Variants in PTPRN2 observed in about 807,000 individuals in gnomAD.
PTPRN2 encodes the protein protein tyrosine phosphatase receptor type N2.
In PTPRN2, 74 loss-of-function variants were observed where a neutral mutation model predicts 118.8. The ratio of observed to expected loss-of-function variants is 0.62; its 90% CI spans 0.52 to 0.76. The LOEUF (loss-of-function observed/expected upper bound fraction) is 0.76. Ranked by LOEUF, PTPRN2 falls within the 30% of genes least tolerant of loss-of-function variation. The pLI, the probability that PTPRN2 is intolerant of heterozygous loss-of-function variation, is 0.00. For missense variants in PTPRN2, 1,481 were observed against 1,394.4 expected (o/e 1.06, Z -0.99); for synonymous variants, 641 against 608.0 (o/e 1.05, Z -0.80).
In PTPRN2 at chr7:158,384,537, T is replaced by C. The variant is rs117049317; in HGVS notation, c.164-67605A>G. On this transcript the variant is annotated intron_variant, in intron 2 of 22. Coordinates refer to ENST00000389418, the MANE Select transcript of PTPRN2 (RefSeq NM_002847.5). The stretch of plus-strand genomic sequence containing the variant: ...AATGAAAGTACACAAAGCCAGACAC[T>C]TAGGAAGAAGGCGCTTCAACAGGCA... Among the ~76,000 whole-genome samples the C allele has an allele frequency of 3.4e-3, 514 of 152,128 alleles. 11 individuals are homozygous for C. The highest frequency in any genetic ancestry group is 0.03 in the East Asian group (156 of 5,168).
chr7:158,142,462 G>C (rs1372319370), intron 6 of PTPRN2, among the ~76,000 whole-genome samples: 1 of 152,222 alleles, frequency 6.6e-6, no homozygotes, highest in Admixed American at 6.5e-5. Flanking sequence ...TTCAACAGCA[G>C]CTGTACCCAG....
intron 12 of PTPRN2, among the ~76,000 whole-genome samples, chr7:157,789,866 GT>G (rs2151072493): frequency 6.6e-6 from 1 of 150,706 alleles, no homozygotes; most frequent in East Asian, 2.0e-4. Context: ...TGTATGTGGT[GT>G]GTGTAGTATG....
chr7:158,542,701 A>G (rs1826059452), intron 1 of PTPRN2, among the ~76,000 whole-genome samples: 1 of 152,146 alleles, frequency 6.6e-6, no homozygotes, highest in Admixed American at 6.5e-5. Flanking sequence ...CTAATATTAA[A>G]TTGTTTCTGA....
At chr7:157,774,528 C>G (rs545941160) in intron 12 of PTPRN2, among the ~76,000 whole-genome samples, 2 of 152,372 alleles carry the variant, frequency 1.3e-5, no homozygotes, top group East Asian at 3.9e-4. Context: ...GTAAGCCCCC[C>G]ATCTCTGCAC....
chr7:157,713,539 C>T (rs1798756321), intron 12 of PTPRN2, among the ~76,000 whole-genome samples: 1 of 152,184 alleles, frequency 6.6e-6, no homozygotes, highest in Non-Finnish European at 1.5e-5. Context: ...GTTCCTCCAT[C>T]TCTCAGCAAG....
intron 2 of PTPRN2, among the ~76,000 whole-genome samples, chr7:158,383,131 C>T (rs77292277): frequency 4.0e-4 from 61 of 152,000 alleles, no homozygotes; most frequent in African/African-American, 1.4e-3. Context: ...CATGAGGGGC[C>T]CTGAAGACCC....
At chr7:157,726,940 T>C (rs916656667) in intron 12 of PTPRN2, among the ~76,000 whole-genome samples, 1 of 152,220 alleles carries the variant, frequency 6.6e-6, no homozygotes, top group Admixed American at 6.5e-5. Flanking sequence ...GGAAGCATGA[T>C]TCCTCAGTGC....
chr7:158,469,816 T>G (rs1179146399), intron 2 of PTPRN2, among the ~76,000 whole-genome samples: 1 of 151,284 alleles, frequency 6.6e-6, no homozygotes. Flanking sequence ...GGAGCTGGGA[T>G]CTGTCCTATT....
chr7:157,746,811 G>A (rs1384491072), intron 12 of PTPRN2, among the ~76,000 whole-genome samples: 1 of 152,278 alleles, frequency 6.6e-6, no homozygotes, highest in African/African-American at 2.4e-5. Context: ...GTGAGGCAGT[G>A]TGGGAATCCG....
At chr7:158,397,574 G>A (rs566917052) in intron 2 of PTPRN2, among the ~76,000 whole-genome samples, 2 of 152,140 alleles carry the variant, frequency 1.3e-5, no homozygotes, top group African/African-American at 2.4e-5. Context: ...GACAGCACAG[G>A]GCTCCACCCA....
Position 157,764,273 on chromosome 7 carries a change from G to A in PTPRN2, c.1789-81336C>T, listed in dbSNP as rs748401828. Among the ~76,000 whole-genome samples the A allele has an allele frequency of 5.9e-5, 9 of 152,150 alleles. No homozygotes were observed. The highest frequency in any genetic ancestry group is 1.0e-4 in the Non-Finnish European group (7 of 68,032). On this transcript the variant is annotated intron_variant, in intron 12 of 22. Transcript: ENST00000389418. The surrounding 1 kb of genome is among the most constrained non-coding windows in gnomAD (Gnocchi z 4.5). ...AATGCAGTGACTCAGAGAGAGATTCGCACGCCCATGTTCATAGCAGCAGCG... is the reference window on the plus strand; with the variant it reads ...AATGCAGTGACTCAGAGAGAGATTCACACGCCCATGTTCATAGCAGCAGCG...
intron 10 of PTPRN2, among the ~76,000 whole-genome samples, chr7:158,097,379 A>C (rs542723586): frequency 1.3e-5 from 2 of 152,322 alleles, no homozygotes; most frequent in South Asian, 4.1e-4. Context: ...CCTCTTCGGT[A>C]ATAACACCGT....
intron 12 of PTPRN2, among the ~76,000 whole-genome samples, chr7:157,871,904 A>G (rs932701159): frequency 1.3e-4 from 19 of 149,458 alleles, no homozygotes; most frequent in African/African-American, 4.7e-4. Flanking sequence ...CCACACACAA[A>G]TACCCAGCGT....
chr7:158,337,260 G>A (rs1393738489), intron 2 of PTPRN2, among the ~76,000 whole-genome samples: 22 of 149,810 alleles, frequency 1.5e-4, no homozygotes, highest in African/African-American at 5.5e-4. Flanking sequence ...GCTGACACCT[G>A]CAGACGTCAC....
chr7:158,196,774 C>T (rs1826245997), intron 4 of PTPRN2, among the ~76,000 whole-genome samples: 1 of 152,176 alleles, frequency 6.6e-6, no homozygotes, highest in African/African-American at 2.4e-5. Context: ...AGAAGTGCTC[C>T]AGGCCAGAAG....
intron 11 of PTPRN2, among the ~76,000 whole-genome samples, chr7:158,041,300 C>T (rs1808447714): frequency 6.6e-6 from 1 of 152,178 alleles, no homozygotes; most frequent in African/African-American, 2.4e-5. Flanking sequence ...TCAATAATAG[C>T]TTATTGCTTT....
chr7:157,860,089 C>G (rs1460973295), intron 12 of PTPRN2, among the ~76,000 whole-genome samples: 4 of 152,258 alleles, frequency 2.6e-5, no homozygotes, highest in Non-Finnish European at 5.9e-5. Flanking sequence ...CATGCGGCTT[C>G]GTGATTCCTG....
intron 12 of PTPRN2, chr7:157,857,967 A>G (rs78113630): frequency 0.036 from 5,551 of 154,764 alleles, 146 homozygotes; most frequent in South Asian, 0.1. Flanking sequence ...GGGTATGAGA[A>G]AGCCTTGTGA....
intron 2 of PTPRN2, among the ~76,000 whole-genome samples, chr7:158,467,012 G>C (rs1303765029): frequency 6.6e-6 from 1 of 152,220 alleles, no homozygotes; most frequent in African/African-American, 2.4e-5. Context: ...CTGTAGGACA[G>C]AGCGAGACTG....
Sources: allele counts gnomAD v4.1 joint callset (sites outside exome capture counted in the v4.1 genomes callset), GRCh38; gene constraint gnomAD v4.1.1; non-coding constraint Gnocchi (gnomAD v3.1); transcripts MANE v1.5; gene names NCBI Gene and HGNC (gene_info 2026-07-23, HGNC 2026-07-21).